ATP8B4: variants seen among roughly 807,000 people sequenced by gnomAD.
ATP8B4 encodes the protein ATPase phospholipid transporting 8B4 (putative).
ATP8B4 carries 133 observed loss-of-function variants against 145.6 expected under a neutral mutation model. The observed-to-expected ratio is 0.91, with a 90% CI of 0.79 to 1.05. The LOEUF (loss-of-function observed/expected upper bound fraction) is 1.05, where lower values mean the gene tolerates loss of function less well. Ranked by LOEUF, ATP8B4 falls within the 50% of genes least tolerant of loss-of-function variation. The pLI is 0.00. For synonymous variants in ATP8B4, 507 were observed against 492.9 expected, an observed-to-expected ratio of 1.03 and a Z score of -0.38; for missense variants, 1,458 against 1,425.2, an observed-to-expected ratio of 1.02 and a Z score of -0.37.
intron 1 of ATP8B4, among the ~76,000 whole-genome samples, chr15:50,170,220 C>T (rs1357811428): frequency 8.5e-5 from 13 of 152,078 alleles, no homozygotes; most frequent in Admixed American, 8.5e-4. Flanking sequence ...CACCTAGGCA[C>T]AGTGATCAGG....
rs2041062471 is a variant in ATP8B4, at chr15:49,929,555, G to A, written c.1642+1564C>T. Among the ~76,000 whole-genome samples, 4 of 152,190 alleles carry A rather than the reference G, an allele frequency of 2.6e-5. No individual in the cohort carries two copies. In the South Asian group the frequency reaches 6.2e-4, roughly 24 times the overall value. On this transcript the variant is annotated intron_variant, in intron 16 of 27. Transcript: ENST00000284509. ...AGAAAGAGATCGAAGCTAAACAGCT[G>A]TATAAGAAGGTCACAGAATATAAGC...
intron 20 of ATP8B4, among the ~76,000 whole-genome samples, chr15:49,905,143 A>G (rs970314763): frequency 6.6e-6 from 1 of 152,236 alleles, no homozygotes; most frequent in Non-Finnish European, 1.5e-5. Context: ...CCCAGGACTC[A>G]AAGTGTCTAA....
intron 1 of ATP8B4, among the ~76,000 whole-genome samples, chr15:50,140,905 C>A (rs2044198108): frequency 6.6e-6 from 1 of 152,142 alleles, no homozygotes; most frequent in African/African-American, 2.4e-5. Flanking sequence ...GTGCAGGCAA[C>A]TTTGGGAAGC....
intron 3 of ATP8B4, among the ~76,000 whole-genome samples, chr15:50,058,761 C>T (rs2052788732): frequency 6.6e-6 from 1 of 152,114 alleles, no homozygotes; most frequent in Admixed American, 6.5e-5. Flanking sequence ...ACAGTCCTAG[C>T]CTTTCCTGGT....
chr15:49,937,881 G>A (rs529391195), intron 14 of ATP8B4, among the ~76,000 whole-genome samples: 1 of 152,116 alleles, frequency 6.6e-6, no homozygotes, highest in East Asian at 1.9e-4. Context: ...CACCTACTGT[G>A]GGCCAGGCAA....
chr15:50,085,741 G>T (rs890718109), intron 2 of ATP8B4, among the ~76,000 whole-genome samples: 1 of 148,816 alleles, frequency 6.7e-6, no homozygotes, highest in African/African-American at 2.5e-5. Flanking sequence ...AGTACAAGGA[G>T]TATCAAGTAA....
At chr15:49,993,995 C>T (rs921166754) in intron 9 of ATP8B4, among the ~76,000 whole-genome samples, 6 of 152,030 alleles carry the variant, frequency 3.9e-5, no homozygotes, top group Admixed American at 2.0e-4. Context: ...TATTAACACA[C>T]CTTAAAAGTA....
At chr15:50,077,901 C>A (rs909122861) in intron 2 of ATP8B4, among the ~76,000 whole-genome samples, 1 of 152,150 alleles carries the variant, frequency 6.6e-6, no homozygotes, top group Non-Finnish European at 1.5e-5. Context: ...GCCTGACTAA[C>A]ACACACAGAA....
intron 20 of ATP8B4, among the ~76,000 whole-genome samples, chr15:49,903,369 T>C (rs1383788785): frequency 6.6e-6 from 1 of 152,204 alleles, no homozygotes; most frequent in Non-Finnish European, 1.5e-5. Flanking sequence ...AGAGTGCCTG[T>C]TTTTTCCAAG....
At chr15:50,013,536 C>G (rs1359889354) in intron 6 of ATP8B4, among the ~76,000 whole-genome samples, 1 of 152,014 alleles carries the variant, frequency 6.6e-6, no homozygotes, top group Non-Finnish European at 1.5e-5. Flanking sequence ...CTGACATAAT[C>G]TAGTTAATGC....
At chr15:49,906,903 G>T (rs2038685444) in intron 20 of ATP8B4, among the ~76,000 whole-genome samples, 1 of 152,212 alleles carries the variant, frequency 6.6e-6, no homozygotes, top group South Asian at 2.1e-4. Flanking sequence ...GATTGGTAGT[G>T]GATGAAGGAA....
intron 12 of ATP8B4, among the ~76,000 whole-genome samples, chr15:49,977,641 T>C (rs1470342687): frequency 1.3e-5 from 2 of 151,972 alleles, no homozygotes; most frequent in Admixed American, 6.6e-5. Flanking sequence ...TATAAAAGGC[T>C]AAAAAAAGAG....
At chr15:50,089,165 T>A (rs2055423078) in intron 2 of ATP8B4, among the ~76,000 whole-genome samples, 1 of 152,010 alleles carries the variant, frequency 6.6e-6, no homozygotes, top group South Asian at 2.1e-4. Context: ...AACCCAAAAC[T>A]ATAAAAACCC....
chr15:50,109,940 C>T (rs551753628), intron 1 of ATP8B4, among the ~76,000 whole-genome samples: 15 of 152,264 alleles, frequency 9.9e-5, no homozygotes, highest in African/African-American at 3.6e-4. Flanking sequence ...AAACATAAAG[C>T]AATGTCATAT....
At chr15:50,136,580 A>C (rs2044124513) in intron 1 of ATP8B4, among the ~76,000 whole-genome samples, 1 of 152,244 alleles carries the variant, frequency 6.6e-6, no homozygotes, top group Non-Finnish European at 1.5e-5. Context: ...TTAATTGCTA[A>C]GTAGAAATTA....
intron 1 of ATP8B4, among the ~76,000 whole-genome samples, chr15:50,114,103 C>CTTTCTTTTTTT (rs1555494034): frequency 3.1e-4 from 17 of 55,646 alleles, no homozygotes; most frequent in South Asian, 3.0e-3. Context: ...CTCCTAGTTT[C>CTTTCTTTTTTT]TTTTTTTTTT....
chr15:50,092,171 C>T (rs2055653265), intron 2 of ATP8B4, among the ~76,000 whole-genome samples: 1 of 151,988 alleles, frequency 6.6e-6, no homozygotes, highest in South Asian at 2.1e-4. Flanking sequence ...TGAGACAAAC[C>T]AATGAAAACA....
intron 13 of ATP8B4, among the ~76,000 whole-genome samples, chr15:49,968,542 G>A (rs567880206): frequency 1.5e-3 from 221 of 152,258 alleles, no homozygotes; most frequent in African/African-American, 5.2e-3. Context: ...ATTACATAAT[G>A]GTAAAGGGAT....
chr15:49,957,259 G>A (rs1172807453), intron 14 of ATP8B4, among the ~76,000 whole-genome samples: 1 of 151,932 alleles, frequency 6.6e-6, no homozygotes, highest in South Asian at 2.1e-4. Context: ...GATCAATGCT[G>A]CCTTAAGAAA....
Sources: gnomAD v4.1 joint callset for allele counts (sites outside exome capture counted in the v4.1 genomes callset) on GRCh38, gnomAD v4.1.1 for gene constraint, MANE v1.5 for transcripts, NCBI Gene and HGNC (gene_info 2026-07-23, HGNC 2026-07-21) for gene names.